KIF20A: variants seen among roughly 807,000 people sequenced by gnomAD.
KIF20A encodes kinesin family member 20A.
Under a neutral mutation model 113.0 loss-of-function variants are expected in KIF20A, and 66 were observed. That is an observed-to-expected ratio of 0.58 (90% CI 0.48 to 0.72). The LOEUF (loss-of-function observed/expected upper bound fraction) is 0.72. Ranked by LOEUF, KIF20A falls within the 30% of genes least tolerant of loss-of-function variation. KIF20A has a pLI of 0.00. For missense variants in KIF20A, 927 were observed against 1,077.6 expected (o/e 0.86, Z 1.96); for synonymous variants, 376 against 402.3 (o/e 0.93, Z 0.78).
intron 15 of KIF20A, 128 bp from the exon 16 acceptor site, chr5:138,185,384 A>G (rs1455172843): frequency 1.7e-5 from 16 of 935,616 alleles, no homozygotes; most frequent in Non-Finnish European, 2.5e-5. Context: ...TTGGCCAGGA[A>G]ATCGTATTAA....
Position 138,181,500 on chromosome 5 carries a change from C to A in KIF20A, c.244C>A (p.Gln82Lys). The A allele has an allele frequency of 6.2e-7, 1 of 1,614,054 alleles. No individual in the cohort carries two copies. The highest frequency in any genetic ancestry group is 8.5e-7 in the Non-Finnish European group (1 of 1,179,988). The change falls in exon 3 of 19, where the codon CAG becomes AAG. Residue 82 changes from glutamine (Q) to lysine (K), a missense_variant. Coordinates refer to ENST00000394894, the MANE Select transcript of KIF20A (RefSeq NM_005733.3). The stretch of plus-strand genomic sequence containing the variant: ...CTTGTTACCTTCAGAGTTGGAACGA[C>A]AGGAAGATCAGGTAAGTGTCTGAGA... ...RPLLPSELER[Q>K]EDQGCVRIEN...
chr5:138,185,443 G>C, intron 15 of KIF20A, 69 bp from the exon 16 acceptor site: 1 of 1,451,666 alleles, frequency 6.9e-7, no homozygotes, highest in East Asian at 2.3e-5. Flanking sequence ...TGCTTTGTTT[G>C]TTCAGTCATC....
chr5:138,187,063 A>C (rs761810765), intron 18 of KIF20A, 33 bp from the exon 19 acceptor site: 1 of 1,543,546 alleles, frequency 6.5e-7, no homozygotes, highest in Non-Finnish European at 8.8e-7. Context: ...ACCAGACAAA[A>C]GTGTTTTCTA....
intron 18 of KIF20A, among the ~76,000 whole-genome samples, chr5:138,186,873 T>A (rs1019665803): frequency 3.9e-5 from 6 of 152,246 alleles, no homozygotes; most frequent in Non-Finnish European, 7.3e-5. Context: ...CTCAAGCTCA[T>A]ACTACCTTAT....
intron 4 of KIF20A, chr5:138,181,965 C>T (rs2151232485): frequency 1.7e-6 from 1 of 587,426 alleles, no homozygotes; most frequent in South Asian, 2.1e-5. Context: ...TAGTGTGGCT[C>T]AATGAATGTA....
rs760464360 is a variant in KIF20A at position 138,184,290 on chromosome 5, C to T, written c.1404C>T (p.Phe468=). Residue 468 remains phenylalanine, a synonymous_variant, in exon 12 of 19, where the codon TTC becomes TTT. Coordinates refer to ENST00000394894, the MANE Select transcript of KIF20A (RefSeq NM_005733.3). ...PFRDSKLTRV[F]QGFFTGRGRS... is the part of the protein sequence containing the mutation. ...GTGACAGCAAGTTGACTCGAGTGTT[C>T]CAAGGTTTCTTCACAGGCCGAGGCC... 2.5e-6 allele frequency: 4 copies of T among 1,614,052 alleles called. No homozygotes were observed. In the African/African-American group the frequency reaches 4.0e-5, roughly 16 times the overall value.
chr5:138,185,986 A>G lies in KIF20A; in HGVS notation c.2151A>G (p.Leu717=). ...TEELHKYQKM[L]EPPPSAKPFT... ...AGTTGCATAAGTATCAGAAAATGTT[A>G]GAACCACCACCCTCAGCCAAGCCCT... The change falls in exon 17 of 19, where the codon TTA becomes TTG. Residue 717 remains leucine (L), a synonymous_variant. Transcript: ENST00000394894. 1.9e-6 allele frequency: 3 copies of G among 1,614,120 alleles called. No homozygotes were observed. The highest frequency in any genetic ancestry group is 3.3e-4 in the Middle Eastern group (2 of 6,062).
intron 4 of KIF20A, 102 bp from the exon 5 acceptor site, chr5:138,182,221 C>A (rs1378608987): frequency 2.9e-6 from 4 of 1,360,228 alleles, no homozygotes; most frequent in Non-Finnish European, 4.0e-6. Flanking sequence ...CTTGAGTGGT[C>A]TCCAGAGCCA....
rs1343587143 is a variant in KIF20A at position 138,183,647 on chromosome 5, T to C, written c.1140-41T>C. ...GAAACATTAGTCCTCTGCCTGGTCA[T>C]GGAAAATGTGCAATGACTTTTTGTT... On this transcript the variant is annotated intron_variant, in intron 9 of 18. Coordinates refer to ENST00000394894, the MANE Select transcript of KIF20A (RefSeq NM_005733.3). The surrounding 1 kb of genome is among the most constrained non-coding windows in gnomAD (Gnocchi z 5.2). 2 of 1,608,788 alleles carry C rather than the reference T, an allele frequency of 1.2e-6. No individual in the cohort carries two copies. Among genetic ancestry groups the C allele is most frequent in the Non-Finnish European group, 1.7e-6 (2 of 1,175,286 alleles).
At chr5:138,186,228 G>C (rs1754742868) in intron 17 of KIF20A, 66 bp from the exon 18 acceptor site, 1 of 1,559,594 alleles carries the variant, frequency 6.4e-7, no homozygotes, top group Non-Finnish European at 8.7e-7. Context: ...ATGGCTACCT[G>C]ACCCCTCCAG....
intron 15 of KIF20A, 63 bp downstream of exon 15, chr5:138,185,260 T>C: frequency 8.7e-7 from 1 of 1,148,024 alleles, no homozygotes; most frequent in Non-Finnish European, 1.3e-6. Flanking sequence ...TTGCCTGAAG[T>C]AAAGAGATTT....
chr5:138,183,363 G>A lies in KIF20A; in HGVS notation c.1027G>A (p.Asp343Asn), dbSNP rs1471900723. 6.2e-7 allele frequency: 1 copy of A among 1,614,074 alleles called. No individual in the cohort carries two copies. Among genetic ancestry groups the A allele is most frequent in the Non-Finnish European group, 8.5e-7 (1 of 1,179,966 alleles). Residue 343 changes from aspartate to asparagine, a missense_variant and splice_region_variant, in exon 8 of 19, where the codon GAT (aspartate) becomes AAT (asparagine). By Grantham distance (23) the Asp-to-Asn change is conservative (BLOSUM62 1). Coordinates refer to ENST00000394894, the MANE Select transcript of KIF20A (RefSeq NM_005733.3). The surrounding 1 kb of genome is among the most constrained non-coding windows in gnomAD (Gnocchi z 5.2). Reference sequence around the variant, plus strand: ...TCAAAATGGCAATCCCTATGTGAAAGGTAAAGGAACATGGGGAAAGCTGGC... The same window carrying A: ...TCAAAATGGCAATCCCTATGTGAAAAGTAAAGGAACATGGGGAAAGCTGGC... Reference protein sequence around the residue: ...EDQNGNPYVKDLNWIHVQDAE... With the variant: ...EDQNGNPYVKNLNWIHVQDAE...
In KIF20A at chr5:138,179,589, T is replaced by C. The variant is rs1019505757; in HGVS notation, c.-21-71T>C. 28 of 1,258,236 alleles carry C rather than the reference T, an allele frequency of 2.2e-5. No homozygotes were observed. In the African/African-American group the frequency reaches 3.2e-4, roughly 15 times the overall value. The allele number at this position is 1,258,236 out of a possible 1,614,324, so 77.9% of individuals were successfully genotyped here. A position where few individuals can be genotyped will look rare whatever the true frequency, so the allele number is the denominator to read the frequency against. The stretch of plus-strand genomic sequence containing the variant: ...ACGGTGTCCTGGGGCAAGGGACTTA[T>C]TACCTAAAATTCGCGGCCCCTTCTG... On this transcript the variant is annotated intron_variant, in intron 1 of 18. Transcript: ENST00000394894.
intron 14 of KIF20A, 66 bp from the exon 15 acceptor site, chr5:138,185,029 A>T (rs891328605): frequency 2.5e-5 from 40 of 1,594,324 alleles, no homozygotes; most frequent in Non-Finnish European, 3.4e-5. Flanking sequence ...GTGCCTCAAG[A>T]TCTGTTCCCC....
chr5:138,181,472 G>A lies in KIF20A; in HGVS notation c.216G>A (p.Arg72=). ...MEKVKVYLRV[R]PLLPSELERQ... The stretch of plus-strand genomic sequence containing the variant: ...AGGTGAAAGTATACTTGAGGGTTAG[G>A]CCCTTGTTACCTTCAGAGTTGGAAC... Residue 72 remains arginine, a synonymous_variant, in exon 3 of 19, where the codon AGG becomes AGA. Coordinates refer to ENST00000394894, the MANE Select transcript of KIF20A (RefSeq NM_005733.3). 1 of 1,614,192 alleles carries A rather than the reference G, an allele frequency of 6.2e-7. No homozygotes were observed.
Position 138,181,326 on chromosome 5 carries a change from A to G in KIF20A, c.166-96A>G, listed in dbSNP as rs865809971. On this transcript the variant is annotated intron_variant, in intron 2 of 18. Coordinates refer to ENST00000394894, the MANE Select transcript of KIF20A (RefSeq NM_005733.3). Reference sequence around the variant, plus strand: ...AGAGACATTTGAGGTGAAATGGGGTAGTGTTATCATAGTTCCTAGAAACTA... The same window carrying G: ...AGAGACATTTGAGGTGAAATGGGGTGGTGTTATCATAGTTCCTAGAAACTA... The G allele has an allele frequency of 1.4e-4, 127 of 903,010 alleles. 1 individual carries two copies. In the Middle Eastern group the frequency reaches 3.1e-3, roughly 22 times the overall value. 55.9% of individuals were successfully genotyped at this position (903,010 alleles called of 1,614,324 possible).
chr5:138,181,575 C>A (rs767042635), intron 3 of KIF20A, 34 bp from the exon 4 acceptor site: 2 of 1,614,080 alleles, frequency 1.2e-6, no homozygotes, highest in South Asian at 2.2e-5. Context: ...CCCAGGAATG[C>A]CTTCTGTGAC....
At chr5:138,185,927 C>G (rs748073476) in intron 16 of KIF20A, 34 bp from the exon 17 acceptor site, 54 of 1,591,386 alleles carry the variant, frequency 3.4e-5, no homozygotes, top group Non-Finnish European at 4.5e-5. Context: ...AAAAAAACCC[C>G]ACATATTTTA....
At chr5:138,180,568 G>A (rs1754642429) in intron 2 of KIF20A, among the ~76,000 whole-genome samples, 1 of 152,178 alleles carries the variant, frequency 6.6e-6, no homozygotes, top group African/African-American at 2.4e-5. Flanking sequence ...GACTTATAAA[G>A]TTCCATGAGA....
Sources: gnomAD v4.1 joint callset for allele counts (sites outside exome capture counted in the v4.1 genomes callset) on GRCh38, gnomAD v4.1.1 for gene constraint, Gnocchi (gnomAD v3.1) non-coding constraint, MANE v1.5 for transcripts, NCBI Gene and HGNC (gene_info 2026-07-23, HGNC 2026-07-21) for gene names.